LINC01488: variants seen among roughly 807,000 people sequenced by gnomAD.
LINC01488 encodes the protein CCND1-upstream intergenic DNA repair 1.
At chr11:69,484,357 T>C (rs1156263533) in intron 1 of LINC01488, among the ~76,000 whole-genome samples, 2 of 152,082 alleles carry the variant, frequency 1.3e-5, no homozygotes, top group African/African-American at 4.8e-5. Flanking sequence ...GAGGGTCTTC[T>C]AATGGCCACT....
At chr11:69,489,644 C>A (rs930733775) in intron 1 of LINC01488, among the ~76,000 whole-genome samples, 4 of 152,258 alleles carry the variant, frequency 2.6e-5, no homozygotes, top group East Asian at 3.8e-4. Flanking sequence ...GCGGGTGCTC[C>A]AAGGGCCGAG....
At chr11:69,482,596 T>C (rs138304177) in intron 1 of LINC01488, among the ~76,000 whole-genome samples, 10 of 151,926 alleles carry the variant, frequency 6.6e-5, no homozygotes, top group Non-Finnish European at 1.3e-4. Flanking sequence ...AGTAGGTGGA[T>C]GAATGGATGA....
At chr11:69,489,429 C>T (rs1019958006) in intron 1 of LINC01488, among the ~76,000 whole-genome samples, 1 of 152,244 alleles carries the variant, frequency 6.6e-6, no homozygotes, top group African/African-American at 2.4e-5. Context: ...CAGTGCAGGC[C>T]GCAGTGTCCT....
intron 1 of LINC01488, among the ~76,000 whole-genome samples, chr11:69,483,907 C>G (rs1857074534): frequency 6.6e-6 from 1 of 152,176 alleles, no homozygotes; most frequent in African/African-American, 2.4e-5. Flanking sequence ...GGGGCTCTGT[C>G]TCAGGCGCTT....
intron 3 of LINC01488, chr11:69,491,869 G>A (rs1857227911): frequency 1.3e-5 from 2 of 152,756 alleles, no homozygotes; most frequent in African/African-American, 2.4e-5. Flanking sequence ...GTAGAGCGGG[G>A]ACATTTGGAG....
At chr11:69,484,502 C>T (rs1857083526) in intron 1 of LINC01488, among the ~76,000 whole-genome samples, 1 of 152,218 alleles carries the variant, frequency 6.6e-6, no homozygotes, top group Non-Finnish European at 1.5e-5. Context: ...CTTCAGGTGA[C>T]TCCCCTGCCT....
intron 1 of LINC01488, among the ~76,000 whole-genome samples, chr11:69,485,042 AC>A (rs1387032352): frequency 1.3e-5 from 2 of 151,838 alleles, no homozygotes; most frequent in African/African-American, 4.8e-5. Context: ...ACCACCACTC[AC>A]CCCACACCTT....
At chr11:69,489,659 G>A (rs1393722858) in intron 1 of LINC01488, among the ~76,000 whole-genome samples, 2 of 152,364 alleles carry the variant, frequency 1.3e-5, no homozygotes, top group East Asian at 1.9e-4. Context: ...GCCGAGAGGC[G>A]TCCATAGGCC....
intron 1 of LINC01488, among the ~76,000 whole-genome samples, chr11:69,482,600 T>C (rs530300674): frequency 1.3e-5 from 2 of 151,916 alleles, no homozygotes; most frequent in South Asian, 4.2e-4. Flanking sequence ...GGTGGATGAA[T>C]GGATGAGTGG....
At chr11:69,489,675 C>T (rs1301726995) in intron 1 of LINC01488, among the ~76,000 whole-genome samples, 3 of 152,238 alleles carry the variant, frequency 2.0e-5, no homozygotes, top group Non-Finnish European at 2.9e-5. Context: ...AGGCCGTAGG[C>T]TCCCCCGCAG....
At chr11:69,484,731 G>T (rs1026799459) in intron 1 of LINC01488, among the ~76,000 whole-genome samples, 1 of 152,256 alleles carries the variant, frequency 6.6e-6, no homozygotes, top group African/African-American at 2.4e-5. Flanking sequence ...AGCAATCAGC[G>T]ATGGGTGGCC....
intron 1 of LINC01488, among the ~76,000 whole-genome samples, chr11:69,485,306 C>T (rs531196251): frequency 3.5e-4 from 53 of 152,322 alleles, no homozygotes; most frequent in African/African-American, 9.4e-4. Context: ...CCCTCTCAGT[C>T]GAGGTCAGCT....
chr11:69,484,129 C>T (rs1031813759), intron 1 of LINC01488, among the ~76,000 whole-genome samples: 11 of 152,204 alleles, frequency 7.2e-5, no homozygotes, highest in African/African-American at 2.7e-4. Flanking sequence ...GGAGGGTGCT[C>T]TTGGGGTGCC....
At chr11:69,482,873 G>A (rs1857062032) in intron 1 of LINC01488, among the ~76,000 whole-genome samples, 3 of 152,124 alleles carry the variant, frequency 2.0e-5, no homozygotes, top group Admixed American at 2.0e-4. Context: ...CATTTTCACA[G>A]GGTTGTTCCT....
intron 1 of LINC01488, among the ~76,000 whole-genome samples, chr11:69,482,832 T>G (rs1857061569): frequency 6.6e-6 from 1 of 152,212 alleles, no homozygotes; most frequent in South Asian, 2.1e-4. Flanking sequence ...GCAGTCTCTT[T>G]CCTTGGCTCG....
At chr11:69,493,189 G>T (rs1245603981) in exon 4 of LINC01488, 2 of 152,202 alleles carry the variant, frequency 1.3e-5, no homozygotes, top group African/African-American at 4.8e-5. Context: ...CAAAGCACTG[G>T]AATAAAAGGC....
chr11:69,488,970 C>T (rs1312137663), intron 1 of LINC01488, among the ~76,000 whole-genome samples: 2 of 152,208 alleles, frequency 1.3e-5, no homozygotes, highest in African/African-American at 2.4e-5. Context: ...CCACACCTGC[C>T]AAACTGTGGG....
intron 3 of LINC01488, chr11:69,491,643 C>T (rs1857222294): frequency 6.5e-6 from 1 of 152,806 alleles, no homozygotes; most frequent in South Asian, 2.1e-4. Context: ...CTGTATCTTC[C>T]TCCTCCATTG....
intron 1 of LINC01488, among the ~76,000 whole-genome samples, chr11:69,490,233 G>A (rs567394634): frequency 3.2e-4 from 49 of 152,326 alleles, no homozygotes; most frequent in East Asian, 1.5e-3. Context: ...GCCCTGTTCC[G>A]CCGAATGGGC....
Sources: gnomAD v4.1 joint callset for allele counts (sites outside exome capture counted in the v4.1 genomes callset) on GRCh38, gnomAD v4.1.1 for gene constraint, MANE v1.5 for transcripts, NCBI Gene and HGNC (gene_info 2026-07-23, HGNC 2026-07-21) for gene names.